SULF1: variants seen among roughly 807,000 people sequenced by gnomAD.
SULF1 encodes the protein sulfatase 1.
In SULF1, 46 loss-of-function variants were observed where a neutral mutation model predicts 110.5. The observed-to-expected ratio is 0.42, with a 90% CI of 0.33 to 0.53. The LOEUF (loss-of-function observed/expected upper bound fraction) is 0.53. Among genes scored for constraint, SULF1 ranks in the 20% least tolerant of loss-of-function variants. The pLI, the probability that SULF1 is intolerant of heterozygous loss-of-function variation, is 0.12. For synonymous variants in SULF1, 371 were observed against 387.1 expected, an observed-to-expected ratio of 0.96 and a Z score of 0.49; for missense variants, 941 against 1,094.2, an observed-to-expected ratio of 0.86 and a Z score of 1.98.
chr8:69,501,523 A>C (rs1260426492), intron 2 of SULF1, among the ~76,000 whole-genome samples: 3 of 152,242 alleles, frequency 2.0e-5, no homozygotes, highest in Non-Finnish European at 4.4e-5. Context: ...ACCTGAAATT[A>C]GACAGCACTC....
chr8:69,580,795 A>G (rs1447301614), intron 6 of SULF1, among the ~76,000 whole-genome samples: 2 of 152,208 alleles, frequency 1.3e-5, no homozygotes, highest in African/African-American at 4.8e-5. Context: ...TTTGTCATAA[A>G]TCAAAATCAT....
chr8:69,501,016 G>A (rs1047774275), intron 2 of SULF1, among the ~76,000 whole-genome samples: 1 of 152,050 alleles, frequency 6.6e-6, no homozygotes, highest in Non-Finnish European at 1.5e-5. Flanking sequence ...CCTATGGAGG[G>A]AAAAAATCTG....
intron 14 of SULF1, among the ~76,000 whole-genome samples, chr8:69,621,664 A>G (rs1809621951): frequency 6.6e-6 from 1 of 152,252 alleles, no homozygotes; most frequent in Non-Finnish European, 1.5e-5. Context: ...TAATTTTAAG[A>G]GGAAAAGCAT....
chr8:69,628,073 T>G, intron 17 of SULF1, 98 bp from the exon 18 acceptor site: 1 of 1,056,968 alleles, frequency 9.5e-7, no homozygotes, highest in Non-Finnish European at 1.4e-6. Flanking sequence ...ACAACATCAC[T>G]GCCTTCCTTC....
chr8:69,577,470 C>T (rs1805698912), intron 6 of SULF1, among the ~76,000 whole-genome samples: 1 of 152,304 alleles, frequency 6.6e-6, no homozygotes, highest in South Asian at 2.1e-4. Flanking sequence ...TTGTGTTTTG[C>T]TTCTGGGAAG....
intron 5 of SULF1, among the ~76,000 whole-genome samples, chr8:69,573,992 C>T (rs189408636): frequency 8.6e-4 from 131 of 152,286 alleles, no homozygotes; most frequent in Non-Finnish European, 1.6e-3. Flanking sequence ...CGTCCGAGTT[C>T]TTCTTTCCTC....
chr8:69,563,771 T>C (rs1815675509), intron 4 of SULF1, 145 bp from the exon 5 acceptor site: 1 of 519,978 alleles, frequency 1.9e-6, no homozygotes, highest in African/African-American at 1.9e-5. Flanking sequence ...CTTGTGAGGG[T>C]TTGCTATTTC....
chr8:69,549,211 C>A (rs1194357758), intron 3 of SULF1, among the ~76,000 whole-genome samples: 1 of 152,202 alleles, frequency 6.6e-6, no homozygotes, highest in African/African-American at 2.4e-5. Context: ...GCCACTGCCC[C>A]CTCCATGAAA....
Position 69,658,686 on chromosome 8 carries a change from G to A in SULF1, c.*151G>A, listed in dbSNP as rs749313073. ...AGGATTTAGATAGAGTATTTGCACTGCTGAAGAGTCACTATGAGCAAAATA... is the reference window on the plus strand; with the variant it reads ...AGGATTTAGATAGAGTATTTGCACTACTGAAGAGTCACTATGAGCAAAATA... On this transcript the variant is annotated 3_prime_UTR_variant, in exon 23 of 23. Transcript: ENST00000402687. 1.4e-6 allele frequency: 1 copy of A among 730,894 alleles called. No homozygotes were observed. Among genetic ancestry groups the A allele is most frequent in the Non-Finnish European group, 2.5e-6 (1 of 403,328 alleles). 45.3% of individuals were successfully genotyped at this position (730,894 alleles called of 1,614,324 possible). A position where few individuals can be genotyped will look rare whatever the true frequency, so the allele number is the denominator to read the frequency against.
chr8:69,592,725 C>A (rs1463839237), intron 8 of SULF1, among the ~76,000 whole-genome samples: 1 of 152,196 alleles, frequency 6.6e-6, no homozygotes, highest in Non-Finnish European at 1.5e-5. Flanking sequence ...CTTATTGAAC[C>A]TTTTTATTAA....
At chr8:69,640,882 A>G (rs767655443) in intron 22 of SULF1, 41 bp downstream of exon 22, 1 of 1,591,730 alleles carries the variant, frequency 6.3e-7, no homozygotes, top group South Asian at 1.1e-5. Context: ...CTTCTTCCCC[A>G]ATAATTGCAT....
intron 2 of SULF1, among the ~76,000 whole-genome samples, chr8:69,500,908 C>CA (rs1810751779): frequency 6.6e-6 from 1 of 152,086 alleles, no homozygotes; most frequent in Non-Finnish European, 1.5e-5. Context: ...ACTGCTGCAG[C>CA]AATCTTGTGG....
chr8:69,547,763 C>A (rs985281660), intron 3 of SULF1, among the ~76,000 whole-genome samples: 4 of 152,170 alleles, frequency 2.6e-5, no homozygotes, highest in Non-Finnish European at 4.4e-5. Flanking sequence ...AGGCAGGACT[C>A]TTTTCTCATT....
At chr8:69,483,711 C>T (rs1466214548) in intron 1 of SULF1, among the ~76,000 whole-genome samples, 1 of 152,066 alleles carries the variant, frequency 6.6e-6, no homozygotes, top group Non-Finnish European at 1.5e-5. Context: ...ATCACGTGAA[C>T]CTTAGAGTTC....
chr8:69,524,618 A>C (rs1812539054), intron 3 of SULF1, among the ~76,000 whole-genome samples: 1 of 152,150 alleles, frequency 6.6e-6, no homozygotes, highest in Admixed American at 6.5e-5. Flanking sequence ...GGGAGCAAAA[A>C]TCCAAACTAC....
In SULF1 at chr8:69,621,138, C is replaced by G. The variant is rs112120588; in HGVS notation, c.1481C>G (p.Ala494Gly). 1.9e-6 allele frequency: 3 copies of G among 1,614,038 alleles called. No individual in the cohort carries two copies. The highest frequency in any genetic ancestry group is 4.5e-5 in the East Asian group (2 of 44,892). Residue 494 changes from alanine (A) to glycine (G), a missense_variant, in exon 14 of 23, where the codon GCT becomes GGT. Coordinates refer to ENST00000402687, the MANE Select transcript of SULF1 (RefSeq NM_001128205.2). Reference sequence around the variant, plus strand: ...CGGCAGAGCACGCGGAACCTCTACGCTCGCGGCTTCCATGACAAAGACAAA... The same window carrying G: ...CGGCAGAGCACGCGGAACCTCTACGGTCGCGGCTTCCATGACAAAGACAAA... ...TVRQSTRNLY[A>G]RGFHDKDKEC... is the part of the protein sequence containing the mutation.
intron 6 of SULF1, among the ~76,000 whole-genome samples, chr8:69,581,794 G>T (rs936706870): frequency 9.2e-5 from 14 of 152,096 alleles, no homozygotes; most frequent in Admixed American, 7.9e-4. Flanking sequence ...GAAAGAGGCC[G>T]GGGTGATTAC....
intron 5 of SULF1, among the ~76,000 whole-genome samples, chr8:69,574,763 C>T (rs1190444685): frequency 6.6e-6 from 1 of 152,144 alleles, no homozygotes; most frequent in Non-Finnish European, 1.5e-5. Context: ...CTGAAGACAA[C>T]CAGAAGAGAA....
intron 3 of SULF1, among the ~76,000 whole-genome samples, chr8:69,506,010 G>A (rs1465896707): frequency 1.3e-5 from 2 of 151,834 alleles, no homozygotes; most frequent in South Asian, 2.1e-4. Flanking sequence ...GCCTACAAAA[G>A]CAGTGATTTC....
Sources: gnomAD v4.1 joint callset for allele counts (sites outside exome capture counted in the v4.1 genomes callset) on GRCh38, gnomAD v4.1.1 for gene constraint, MANE v1.5 for transcripts, NCBI Gene and HGNC (gene_info 2026-07-23, HGNC 2026-07-21) for gene names.